CRYL1: variants seen among roughly 807,000 people sequenced by gnomAD.
The protein encoded by CRYL1 is lambda-crystallin homolog.
A neutral mutation model predicts 36.6 loss-of-function variants in CRYL1; 29 were observed. That is an observed-to-expected ratio of 0.79 (90% CI 0.59 to 1.08). CRYL1 has a LOEUF of 1.08. Ranked by LOEUF, CRYL1 falls within the 50% of genes least tolerant of loss-of-function variation. The pLI is 0.00. For synonymous variants in CRYL1, 152 were observed against 151.5 expected, an observed-to-expected ratio of 1.00 and a Z score of -0.02; for missense variants, 411 against 407.9, an observed-to-expected ratio of 1.01 and a Z score of -0.06.
At position 20,481,344 on chromosome 13, in the gene CRYL1, A is replaced by G. The variant is rs1207937002; in HGVS notation, c.276+8026T>C. Reference sequence around the variant, plus strand: ...AAAGAAACCAAACTCAAAAGGCTGCATCATGTATGATTCCATTTTACATAA... The same window carrying G: ...AAAGAAACCAAACTCAAAAGGCTGCGTCATGTATGATTCCATTTTACATAA... On this transcript the variant is annotated intron_variant, in intron 3 of 7. Transcript: ENST00000298248. This position sits in a 1 kb window ranked among gnomAD's most constrained non-coding sequence, Gnocchi z 4.1. Among the ~76,000 whole-genome samples the G allele has an allele frequency of 6.6e-6, 1 of 152,228 alleles. No homozygotes were observed. Among genetic ancestry groups the G allele is most frequent in the Non-Finnish European group, 1.5e-5 (1 of 68,048 alleles).
chr13:20,417,655 A>G lies in CRYL1; in HGVS notation c.634-4268T>C, dbSNP rs555758777. ...CAGACAGTGTTAAGGAACCCCTTTT[A>G]TTGAAAAACTCCTTGCTTCTGCTTC... On this transcript the variant is annotated intron_variant, in intron 5 of 7. Coordinates refer to ENST00000298248, the MANE Select transcript of CRYL1 (RefSeq NM_015974.3). 2.6e-5 allele frequency among the ~76,000 whole-genome samples: 4 copies of G among 152,346 alleles called. No homozygotes were observed. In the East Asian group the frequency reaches 7.7e-4, roughly 29 times the overall value.
At chr13:20,522,486 T>A (rs915999795) in intron 1 of CRYL1, among the ~76,000 whole-genome samples, 3 of 152,226 alleles carry the variant, frequency 2.0e-5, no homozygotes, top group Non-Finnish European at 4.4e-5. Context: ...AACAACGTCC[T>A]ACCAAGCCCT....
chr13:20,521,170 GA>G lies in CRYL1; in HGVS notation c.41+4583del, dbSNP rs2034090800. ...GAAAGGAAGGAAGGAACGAACGAAC[GA>G]AAAAAAGAAAGAAAGAAAGGAAATA... On this transcript the variant is annotated intron_variant, in intron 1 of 7. Transcript: ENST00000298248. Among the ~76,000 whole-genome samples, 4 of 145,534 alleles carry G rather than the reference GA, an allele frequency of 2.7e-5. No individual in the cohort carries two copies. The South Asian group carries it at 8.9e-4, about 33-fold the overall frequency.
At chr13:20,462,935 C>A (rs1008072260) in intron 3 of CRYL1, among the ~76,000 whole-genome samples, 1 of 152,160 alleles carries the variant, frequency 6.6e-6, no homozygotes, top group Non-Finnish European at 1.5e-5. Context: ...GTACCTGGTA[C>A]GCAGCAAGCA....
Position 20,439,626 on chromosome 13 carries a change from C to CGTG in CRYL1, c.404_405insCAC (p.Leu135delinsPheThr), listed in dbSNP as rs2032311183. The CGTG allele has an allele frequency of 6.2e-7, 1 of 1,613,084 alleles. No individual in the cohort carries two copies. The highest frequency in any genetic ancestry group is 1.3e-5 in the African/African-American group (1 of 74,658). On this transcript the variant is annotated protein_altering_variant, in exon 4 of 8. Transcript: ENST00000298248. ...CCACGATGCATTGCTTCACATGGAC[C>CGTG]AAGCCAGCAAACAACTTGGAAGGCA...
rs2032080526 is a variant in CRYL1, at chr13:20,432,186, G to A, written c.549C>T (p.Pro183=). ...CGGCCACCTCCTTCTGGACTCGCAT[G>A]GGGCACTGTCCAATCTTCTTCATCA... ...HALMKKIGQC[P]MRVQKEVAGF... Residue 183 remains proline (P), a synonymous_variant, in exon 5 of 8, where the codon CCC becomes CCT. Coordinates refer to ENST00000298248, the MANE Select transcript of CRYL1 (RefSeq NM_015974.3). 4 of 1,613,970 alleles carry A rather than the reference G, an allele frequency of 2.5e-6. No homozygotes were observed. Among genetic ancestry groups the A allele is most frequent in the African/African-American group, 2.7e-5 (2 of 74,880 alleles).
In CRYL1 at chr13:20,415,286, C is replaced by T. The variant is rs1430204100; in HGVS notation, c.634-1899G>A. ...CCTCTGCCCTGCTGCGAGCCTGGGG[C>T]GCCTGGGCCTGGCCTCGAGGTTCCT... On this transcript the variant is annotated intron_variant, in intron 5 of 7. Transcript: ENST00000298248. This position sits in a 1 kb window ranked among gnomAD's most constrained non-coding sequence, Gnocchi z 4.1. Among the ~76,000 whole-genome samples, 2 of 152,178 alleles carry T rather than the reference C, an allele frequency of 1.3e-5. No homozygotes were observed. Among genetic ancestry groups the T allele is most frequent in the East Asian group, 3.9e-4 (2 of 5,190 alleles).
intron 1 of CRYL1, among the ~76,000 whole-genome samples, chr13:20,518,394 T>C (rs1335390654): frequency 2.0e-5 from 3 of 152,150 alleles, no homozygotes; most frequent in African/African-American, 7.2e-5. Flanking sequence ...AGTGTATTTC[T>C]GCGACAAGTG....
chr13:20,413,118 A>G (rs538642719), intron 6 of CRYL1, among the ~76,000 whole-genome samples, 164 bp downstream of exon 6: 1 of 152,284 alleles, frequency 6.6e-6, no homozygotes, highest in South Asian at 2.1e-4. Context: ...ATCTCAGTAC[A>G]CAGCGTTTCG....
chr13:20,460,279 A>ATG (rs2032780551), intron 3 of CRYL1, among the ~76,000 whole-genome samples: 1 of 152,214 alleles, frequency 6.6e-6, no homozygotes, highest in African/African-American at 2.4e-5. Flanking sequence ...ATACATAGAT[A>ATG]TAAATGCTGC....
chr13:20,483,047 G>A (rs1458382062), intron 3 of CRYL1, among the ~76,000 whole-genome samples: 2 of 152,110 alleles, frequency 1.3e-5, no homozygotes, highest in Non-Finnish European at 1.5e-5. Flanking sequence ...CAGTTACCAG[G>A]AAGGGGAAGG....
intron 3 of CRYL1, among the ~76,000 whole-genome samples, chr13:20,452,642 A>C (rs2032595349): frequency 6.6e-6 from 1 of 152,202 alleles, no homozygotes; most frequent in Non-Finnish European, 1.5e-5. Context: ...ATGTCAATAT[A>C]CATTTGTCAA....
At position 20,420,703 on chromosome 13, in the gene CRYL1, G is replaced by GTTTTTTTTTTTTT. The variant is rs2031784049; in HGVS notation, c.634-7317_634-7316insAAAAAAAAAAAAA. ...TTGACTTTTCTTTAAAATAGAGGTTGTGTGTGTGTGTGTGTGTGTGTGTGT... is the reference window on the plus strand; with the variant it reads ...TTGACTTTTCTTTAAAATAGAGGTTGTTTTTTTTTTTTTTGTGTGTGTGTGTGTGTGTGTGTGT... On this transcript the variant is annotated intron_variant, in intron 5 of 7. Transcript: ENST00000298248. Among the ~76,000 whole-genome samples, 4 of 38,746 alleles carry GTTTTTTTTTTTTT rather than the reference G, an allele frequency of 1.0e-4. 1 individual carries two copies. Among genetic ancestry groups the GTTTTTTTTTTTTT allele is most frequent in the South Asian group, 2.3e-3 (2 of 862 alleles). 25.4% of individuals were successfully genotyped at this position (38,746 alleles called of 152,430 possible).
intron 6 of CRYL1, among the ~76,000 whole-genome samples, chr13:20,408,643 G>A (rs1326230777): frequency 6.6e-6 from 1 of 152,176 alleles, no homozygotes; most frequent in African/African-American, 2.4e-5. Context: ...TGTATCCTGA[G>A]ACTTTGCTGA....
At chr13:20,406,372 C>T (rs1438967997) in intron 6 of CRYL1, among the ~76,000 whole-genome samples, 1 of 152,220 alleles carries the variant, frequency 6.6e-6, no homozygotes, top group African/African-American at 2.4e-5. Flanking sequence ...TAGTTCTTCT[C>T]TCTCAGTGTG....
chr13:20,404,362 A>C (rs2031309087), intron 7 of CRYL1, 120 bp from the exon 8 acceptor site: 2 of 695,788 alleles, frequency 2.9e-6, no homozygotes, highest in African/African-American at 1.8e-5. Context: ...AAAGCAATAA[A>C]CCCTCAATGA....
chr13:20,443,659 C>CT (rs2032395366), intron 3 of CRYL1, among the ~76,000 whole-genome samples: 1 of 152,164 alleles, frequency 6.6e-6, no homozygotes, highest in Non-Finnish European at 1.5e-5. Flanking sequence ...TCCCAAAGTG[C>CT]TGGGATTACA....
At chr13:20,516,301 C>G (rs910101031) in intron 1 of CRYL1, among the ~76,000 whole-genome samples, 10 of 151,216 alleles carry the variant, frequency 6.6e-5, no homozygotes, top group African/African-American at 9.7e-5. Context: ...CACTAACTTA[C>G]CCTGCAAAAG....
chr13:20,419,806 A>C (rs2031756849), intron 5 of CRYL1, among the ~76,000 whole-genome samples: 1 of 152,206 alleles, frequency 6.6e-6, no homozygotes, highest in African/African-American at 2.4e-5. Flanking sequence ...CCACTTATAC[A>C]TACTGTACCC....
Sources: gnomAD v4.1 joint callset for allele counts (sites outside exome capture counted in the v4.1 genomes callset) on GRCh38, gnomAD v4.1.1 for gene constraint, Gnocchi (gnomAD v3.1) non-coding constraint, MANE v1.5 for transcripts, NCBI Gene and HGNC (gene_info 2026-07-23, HGNC 2026-07-21) for gene names.